WDHD1: variants seen among roughly 807,000 people sequenced by gnomAD.
The protein encoded by WDHD1 is WD repeat and HMG-box DNA-binding protein 1.
WDHD1 carries 111 observed loss-of-function variants against 135.4 expected under a neutral mutation model. The ratio of observed to expected loss-of-function variants is 0.82; its 90% CI spans 0.70 to 0.96. WDHD1 has a LOEUF of 0.96. WDHD1 is among the 40% of genes least tolerant of loss of function. The pLI is 0.00. For missense variants in WDHD1, 1,351 were observed against 1,336.3 expected (o/e 1.01, Z -0.17); for synonymous variants, 434 against 439.0 (o/e 0.99, Z 0.14).
chr14:54,987,055 T>C, intron 14 of WDHD1, 91 bp downstream of exon 14: 6 of 1,453,436 alleles, frequency 4.1e-6, no homozygotes, highest in East Asian at 2.3e-5. Flanking sequence ...AGGAAGTATA[T>C]AATCCAAGAC....
At position 54,941,455 on chromosome 14, in the gene WDHD1, A is replaced by T; in HGVS notation, c.*35T>A. On this transcript the variant is annotated 3_prime_UTR_variant, in exon 26 of 26. Transcript: ENST00000360586. ...GTCTATATTCAAAGATGAGTAAAAA[A>T]AAATCCATTACTTCCCTAGGGTCAC... 1.3e-6 allele frequency: 2 copies of T among 1,561,864 alleles called. No homozygotes were observed. The highest frequency in any genetic ancestry group is 1.7e-6 in the Non-Finnish European group (2 of 1,157,694).
At chr14:54,969,042 T>C (rs911751111) in intron 16 of WDHD1, among the ~76,000 whole-genome samples, 17 of 151,916 alleles carry the variant, frequency 1.1e-4, no homozygotes, top group African/African-American at 3.1e-4. Flanking sequence ...TCTATTTATT[T>C]ATTTATTTAT....
At chr14:54,948,929 C>A (rs543672547) in intron 24 of WDHD1, among the ~76,000 whole-genome samples, 21 of 152,316 alleles carry the variant, frequency 1.4e-4, no homozygotes, top group African/African-American at 5.1e-4. Flanking sequence ...AACAGACCTG[C>A]AGCTGAGGGT....
chr14:54,995,629 A>T lies in WDHD1; in HGVS notation c.1127T>A (p.Ile376Asn). 6.2e-7 allele frequency: 1 copy of T among 1,608,584 alleles called. No homozygotes were observed. Among genetic ancestry groups the T allele is most frequent in the East Asian group, 2.2e-5 (1 of 44,802 alleles). Residue 376 changes from isoleucine (I) to asparagine (N), a missense_variant, in exon 11 of 26, where the codon ATC becomes AAC. Coordinates refer to ENST00000360586, the MANE Select transcript of WDHD1 (RefSeq NM_007086.4). Reference sequence around the variant, plus strand: ...AACTGAGTTTTCATCATCTTCTAGGATGTGACTTCGCTGTCTAGGACGACC... The same window carrying T: ...AACTGAGTTTTCATCATCTTCTAGGTTGTGACTTCGCTGTCTAGGACGACC... ...ASGRPRQRSHILEDDENSVDI... is the reference protein window; with the variant it reads ...ASGRPRQRSHNLEDDENSVDI...
rs545929340 is a variant in WDHD1 at position 55,010,832 on chromosome 14, C to G, written c.190-372G>C. Among the ~76,000 whole-genome samples, 8 of 152,372 alleles carry G rather than the reference C, an allele frequency of 5.3e-5. No individual in the cohort carries two copies. The South Asian group carries it at 1.7e-3, about 32-fold the overall frequency. On this transcript the variant is annotated intron_variant, in intron 3 of 25. Coordinates refer to ENST00000360586, the MANE Select transcript of WDHD1 (RefSeq NM_007086.4). The stretch of plus-strand genomic sequence containing the variant: ...AATGAGGAGAAGGCATCAGAAGGCA[C>G]GGCCACAATGGCCACTGCCCTATGT...
chr14:55,002,896 A>G (rs1017612061), intron 7 of WDHD1, among the ~76,000 whole-genome samples: 2 of 152,144 alleles, frequency 1.3e-5, no homozygotes, highest in African/African-American at 4.8e-5. Context: ...CTGACCTTCA[A>G]TACTACTTCT....
intron 16 of WDHD1, among the ~76,000 whole-genome samples, chr14:54,977,653 C>T (rs923051641): frequency 5.9e-5 from 9 of 152,172 alleles, no homozygotes; most frequent in Admixed American, 2.6e-4. Context: ...GCCTGGATAA[C>T]GTAAGGAGAC....
At chr14:54,950,070 A>T (rs2041015666) in intron 24 of WDHD1, among the ~76,000 whole-genome samples, 1 of 152,238 alleles carries the variant, frequency 6.6e-6, no homozygotes, top group Non-Finnish European at 1.5e-5. Context: ...CAAGGCTAGG[A>T]AGAAACTGCA....
chr14:54,972,569 AAAAAAAAAAAAAAAAAAAAAAT>A (rs1353544486), intron 16 of WDHD1, among the ~76,000 whole-genome samples: 3 of 117,450 alleles, frequency 2.6e-5, no homozygotes, highest in African/African-American at 1.0e-4. Context: ...AAAAAAAAAA[AAAAAAAAAAAAAAAAAAAAAAT>A]GCCAATGAGG....
chr14:54,944,739 C>G (rs1319569517), intron 24 of WDHD1: 1 of 207,364 alleles, frequency 4.8e-6, no homozygotes. Flanking sequence ...CCTGCCTCAG[C>G]CTCCCAAGTA....
At chr14:55,000,473 A>T (rs1455675793) in intron 10 of WDHD1, 30 bp downstream of exon 10, 1 of 1,537,400 alleles carries the variant, frequency 6.5e-7, no homozygotes, top group South Asian at 1.3e-5. Flanking sequence ...AAACATTTTG[A>T]AGAAACTGTT....
intron 21 of WDHD1, among the ~76,000 whole-genome samples, chr14:54,962,083 C>T (rs2041261391): frequency 6.6e-6 from 1 of 152,226 alleles, no homozygotes. Context: ...TATCCGCCCA[C>T]TCCGGCCTCC....
At chr14:54,958,627 A>G (rs1419726708) in intron 21 of WDHD1, among the ~76,000 whole-genome samples, 1 of 152,172 alleles carries the variant, frequency 6.6e-6, no homozygotes, top group Non-Finnish European at 1.5e-5. Context: ...CATCCCACAT[A>G]GCTGACTGTT....
intron 2 of WDHD1, among the ~76,000 whole-genome samples, chr14:55,021,402 C>T (rs926777195): frequency 1.3e-5 from 2 of 151,028 alleles, no homozygotes; most frequent in Non-Finnish European, 2.9e-5. Context: ...TGTCTATTAG[C>T]GTTCCTTTTT....
At chr14:55,012,523 C>T (rs553023862) in intron 3 of WDHD1, among the ~76,000 whole-genome samples, 3 of 152,126 alleles carry the variant, frequency 2.0e-5, no homozygotes, top group Non-Finnish European at 2.9e-5. Flanking sequence ...GAAACATTCC[C>T]GTTTTCTAGA....
intron 2 of WDHD1, among the ~76,000 whole-genome samples, chr14:55,016,096 T>C (rs1290039806): frequency 1.3e-5 from 2 of 152,248 alleles, no homozygotes; most frequent in Non-Finnish European, 2.9e-5. Flanking sequence ...TAGTGAAATA[T>C]AGTAGAATTA....
chr14:55,008,783 T>A (rs1333544957), intron 4 of WDHD1, 64 bp from the exon 5 acceptor site: 1 of 1,162,644 alleles, frequency 8.6e-7, no homozygotes, highest in Non-Finnish European at 1.2e-6. Flanking sequence ...CTAAAAGCTA[T>A]GATCCAAATA....
intron 24 of WDHD1, among the ~76,000 whole-genome samples, chr14:54,951,000 G>A (rs2041041802): frequency 6.6e-6 from 1 of 152,162 alleles, no homozygotes; most frequent in South Asian, 2.1e-4. Flanking sequence ...TTAAAGCAGT[G>A]TGTAGAGGGA....
At chr14:55,010,264 T>G (rs2042146702) in intron 4 of WDHD1, 45 bp downstream of exon 4, 1 of 1,461,846 alleles carries the variant, frequency 6.8e-7, no homozygotes, top group South Asian at 1.5e-5. Flanking sequence ...AAACAAGGCC[T>G]TTTGTTCTAA....
Sources: allele counts gnomAD v4.1 joint callset (sites outside exome capture counted in the v4.1 genomes callset), GRCh38; gene constraint gnomAD v4.1.1; transcripts MANE v1.5; gene names NCBI Gene and HGNC (gene_info 2026-07-23, HGNC 2026-07-21).